The following FANCD2OS variants were observed in gnomAD, a reference collection of about 807,000 sequenced individuals.
The protein encoded by FANCD2OS is FANCD2 opposite strand.
FANCD2OS carries 11 observed loss-of-function variants against 13.2 expected under a neutral mutation model. That is an observed-to-expected ratio of 0.83 (90% CI 0.52 to 1.38). FANCD2OS has a LOEUF of 1.38. Ranked by LOEUF, FANCD2OS falls within the 40% of genes most tolerant of loss-of-function variation. FANCD2OS has a pLI of 0.00. For missense variants in FANCD2OS, 217 were observed against 213.9 expected (o/e 1.01, Z -0.09); for synonymous variants, 69 against 84.5 (o/e 0.82, Z 1.01).
intron 2 of FANCD2OS, chr3:10,090,236 G>C (rs1358600150): frequency 1.1e-5 from 14 of 1,312,234 alleles, no homozygotes; most frequent in Non-Finnish European, 1.3e-5. Context: ...GTTCTTCCCA[G>C]GTAGTTCTAA....
At chr3:10,099,282 C>T (rs142962966), downstream of FANCD2OS, 8 of 1,267,696 alleles carry the variant, frequency 6.3e-6, no homozygotes, top group Non-Finnish European at 8.0e-6. Context: ...AGTTCTTACG[C>T]TTTTTTGTGG....
Position 10,087,187 on chromosome 3 carries a change from G to A in FANCD2OS, c.*44-5656C>T, listed in dbSNP as rs750409411. 30 of 1,613,094 alleles carry A rather than the reference G, an allele frequency of 1.9e-5. No individual in the cohort carries two copies. Among genetic ancestry groups the A allele is most frequent in the African/African-American group, 2.7e-5 (2 of 74,634 alleles). On this transcript the variant is annotated intron_variant, in intron 2 of 2. Coordinates refer to the FANCD2OS transcript ENST00000524279. Reference sequence around the variant, plus strand: ...CATCAAAGCATTCCCAGTTTCCAGTGTGCTCTTTATCTCATCAGACTTTTG... The same window carrying A: ...CATCAAAGCATTCCCAGTTTCCAGTATGCTCTTTATCTCATCAGACTTTTG...
intron 2 of FANCD2OS, among the ~76,000 whole-genome samples, chr3:10,092,458 C>T (rs1244643732): frequency 6.6e-6 from 1 of 150,690 alleles, no homozygotes; most frequent in Non-Finnish European, 1.5e-5. Flanking sequence ...TTCCTTCCTT[C>T]CTCCTACTTA....
Position 10,104,235 on chromosome 3 carries a change from G to C in FANCD2OS, c.*6C>G. On this transcript the variant is annotated 3_prime_UTR_variant, in exon 2 of 2. Transcript: ENST00000450660. ...TGTGAGTAAATGGGGATCAAATGAGGACCCTTTACTTGGAGTGCTGCAAGG... is the reference window on the plus strand; with the variant it reads ...TGTGAGTAAATGGGGATCAAATGAGCACCCTTTACTTGGAGTGCTGCAAGG... 1 of 1,595,184 alleles carries C rather than the reference G, an allele frequency of 6.3e-7. No homozygotes were observed. The highest frequency in any genetic ancestry group is 8.5e-7 in the Non-Finnish European group (1 of 1,170,342).
intron 2 of FANCD2OS, chr3:10,092,229 A>G (rs780499269): frequency 6.2e-7 from 1 of 1,613,778 alleles, no homozygotes; most frequent in South Asian, 1.1e-5. Flanking sequence ...TCGAGACTTC[A>G]GTATCCTCAT....
chr3:10,101,577 G>C (rs1695304719), downstream of FANCD2OS: 1 of 392,210 alleles, frequency 2.5e-6, no homozygotes, highest in South Asian at 2.6e-5. Flanking sequence ...GTAGATACGG[G>C]GTTTTACCAT....
downstream of FANCD2OS, among the ~76,000 whole-genome samples, chr3:10,100,546 A>G (rs913198710): frequency 2.0e-5 from 3 of 152,124 alleles, no homozygotes; most frequent in Non-Finnish European, 4.4e-5. Context: ...TAGTTTTTGT[A>G]TATTTAGTAG....
intron 2 of FANCD2OS, chr3:10,096,389 G>A: frequency 6.2e-7 from 1 of 1,614,094 alleles, no homozygotes; most frequent in Non-Finnish European, 8.5e-7. Flanking sequence ...GGAACTTTTA[G>A]TTTGCAGAGT....
downstream of FANCD2OS, chr3:10,099,009 A>G: frequency 5.6e-6 from 9 of 1,613,438 alleles, no homozygotes; most frequent in South Asian, 9.9e-5. Context: ...CAATCTTAGA[A>G]TCACTCCTGA....
At chr3:10,099,670 ATCAC>A (rs1695188886), downstream of FANCD2OS, 1 of 153,290 alleles carries the variant, frequency 6.5e-6, no homozygotes, top group South Asian at 2.1e-4. Flanking sequence ...AGGCAGGAGA[ATCAC>A]TTGAACCTGG....
intron 2 of FANCD2OS, chr3:10,088,337 A>T: frequency 1.3e-6 from 1 of 793,612 alleles, no homozygotes; most frequent in Non-Finnish European, 2.3e-6. Context: ...GGAACGTCTT[A>T]GTAAATCTAA....
downstream of FANCD2OS, among the ~76,000 whole-genome samples, chr3:10,102,736 G>T (rs957650937): frequency 6.6e-6 from 1 of 151,296 alleles, no homozygotes; most frequent in African/African-American, 2.4e-5. Flanking sequence ...CCAGCTACTC[G>T]GGAGGCTGAG....
intron 2 of FANCD2OS, chr3:10,094,776 A>G (rs1325165645): frequency 3.2e-6 from 1 of 313,512 alleles, no homozygotes; most frequent in Non-Finnish European, 6.1e-6. Flanking sequence ...ACAGTTTTTT[A>G]GCCAATGGCA....
intron 2 of FANCD2OS, among the ~76,000 whole-genome samples, chr3:10,081,966 C>G (rs1468153237): frequency 6.6e-6 from 1 of 152,152 alleles, no homozygotes; most frequent in East Asian, 1.9e-4. Flanking sequence ...GCGTTGGGCT[C>G]TCTGTTCTCA....
chr3:10,088,413 C>T (rs754341039), intron 2 of FANCD2OS: 2 of 1,241,278 alleles, frequency 1.6e-6, no homozygotes, highest in East Asian at 2.3e-5. Context: ...GGTCAAGTTC[C>T]CATATGTAAG....
At chr3:10,092,517 T>C (rs910649845) in intron 2 of FANCD2OS, among the ~76,000 whole-genome samples, 1 of 151,676 alleles carries the variant, frequency 6.6e-6, no homozygotes, top group African/African-American at 2.4e-5. Flanking sequence ...TCCCTCACTT[T>C]TTCACCTTGC....
At chr3:10,090,049 C>T (rs576351555) in intron 2 of FANCD2OS, among the ~76,000 whole-genome samples, 46 of 152,168 alleles carry the variant, frequency 3.0e-4, no homozygotes, top group Admixed American at 8.5e-4. Flanking sequence ...CTCACTGTTA[C>T]TTCATTGCTT....
At chr3:10,088,661 T>C in intron 2 of FANCD2OS, 1 of 1,094,270 alleles carries the variant, frequency 9.1e-7, no homozygotes, top group South Asian at 1.3e-5. Flanking sequence ...TGAAGTAGGT[T>C]AAAAATGAAC....
chr3:10,102,842 CAAAA>C (rs781512105), downstream of FANCD2OS: 165 of 67,800 alleles, frequency 2.4e-3, no homozygotes, highest in Middle Eastern at 0.013. Flanking sequence ...GACTCCGTCT[CAAAA>C]AAAAAAAAAA....
Sources: gnomAD v4.1 joint callset for allele counts (sites outside exome capture counted in the v4.1 genomes callset) on GRCh38, gnomAD v4.1.1 for gene constraint, MANE v1.5 for transcripts, NCBI Gene and HGNC (gene_info 2026-07-23, HGNC 2026-07-21) for gene names.